GUCY2C: variants seen among roughly 807,000 people sequenced by gnomAD.
GUCY2C encodes the protein guanylyl cyclase C.
In GUCY2C, 118 loss-of-function variants were observed where a neutral mutation model predicts 131.1. That is an observed-to-expected ratio of 0.90 (90% CI 0.78 to 1.05). The LOEUF (loss-of-function observed/expected upper bound fraction) is 1.05. GUCY2C is among the 50% of genes least tolerant of loss of function. The probability of loss-of-function intolerance (pLI) is 0.00; values close to 1 mark genes in which losing one functional copy is unlikely to be tolerated. For missense variants in GUCY2C, 1,161 were observed against 1,304.4 expected (o/e 0.89, Z 1.69); for synonymous variants, 452 against 457.8 (o/e 0.99, Z 0.16).
chr12:14,621,006 A>T (rs377349009), intron 23 of GUCY2C, 36 bp downstream of exon 23: 8 of 1,562,836 alleles, frequency 5.1e-6, no homozygotes, highest in Middle Eastern at 1.7e-4. Context: ...AGCAGTACAT[A>T]TGGTTCCCAA....
In GUCY2C at chr12:14,669,744, A is replaced by C. The variant is rs61737713; in HGVS notation, c.1260T>G (p.Leu420=). The change falls in exon 10 of 27, where the codon CTT becomes CTG. Residue 420 remains leucine (L), a synonymous_variant. Transcript: ENST00000261170. ...SPTFTWKNSK[L]PNDITGRGPQ... is the part of the protein sequence containing the mutation. ...TACCCCGGCCTGTAATATCATTAGG[A>C]AGTTTAGAGTTCTTCCAAGTGAATG... 4.0e-4 allele frequency: 627 copies of C among 1,579,788 alleles called. 2 individuals are homozygous for C. The African/African-American group carries it at 7.8e-3, about 20-fold the overall frequency.
At chr12:14,638,308 A>C (rs1314969936) in intron 19 of GUCY2C, among the ~76,000 whole-genome samples, 1 of 151,634 alleles carries the variant, frequency 6.6e-6, no homozygotes, top group Non-Finnish European at 1.5e-5. Flanking sequence ...AATAGGATAG[A>C]GATTTCTCAA....
At chr12:14,662,053 GA>G (rs1423825747) in intron 10 of GUCY2C, among the ~76,000 whole-genome samples, 6 of 152,082 alleles carry the variant, frequency 3.9e-5, no homozygotes, top group Admixed American at 3.3e-4. Flanking sequence ...GACTGCACGG[GA>G]AAGTCGTGGT....
At chr12:14,617,644 T>A (rs185311471) in intron 24 of GUCY2C, among the ~76,000 whole-genome samples, 53 of 152,296 alleles carry the variant, frequency 3.5e-4, no homozygotes, top group Admixed American at 1.5e-3. Flanking sequence ...ACAAGTCCAT[T>A]GATGTGTATC....
intron 3 of GUCY2C, 31 bp from the exon 4 acceptor site, chr12:14,683,288 T>C (rs772261223): frequency 7.2e-7 from 1 of 1,389,726 alleles, no homozygotes; most frequent in Non-Finnish European, 1.0e-6. Context: ...AAAAAGCCAT[T>C]ATCAGTATTA....
chr12:14,676,971 A>G lies in GUCY2C; in HGVS notation c.831T>C (p.Asn277=). The G allele has an allele frequency of 1.7e-6, 2 of 1,202,772 alleles. No homozygotes were observed. Among genetic ancestry groups the G allele is most frequent in the Non-Finnish European group, 2.4e-6 (2 of 848,690 alleles). 74.5% of individuals were successfully genotyped at this position (1,202,772 alleles called of 1,614,324 possible). The change falls in exon 7 of 27, where the codon AAT becomes AAC. Residue 277 remains asparagine, a splice_region_variant and synonymous_variant. Coordinates refer to ENST00000261170, the MANE Select transcript of GUCY2C (RefSeq NM_004963.4). ...TGACATTGTCCTCAAAGTACTGGTC[A>G]CTGTAATAAAAAGCACAGGTTCCTC... ...DIVIILVDLF[N]DQYFEDNVTA... is the part of the protein sequence containing the mutation.
chr12:14,676,221 C>A (rs998641716), intron 7 of GUCY2C, among the ~76,000 whole-genome samples: 1 of 152,166 alleles, frequency 6.6e-6, no homozygotes, highest in African/African-American at 2.4e-5. Context: ...GCCCAATATA[C>A]TATTAGAATC....
intron 1 of GUCY2C, among the ~76,000 whole-genome samples, chr12:14,694,579 C>T (rs1314454192): frequency 6.6e-6 from 1 of 152,212 alleles, no homozygotes; most frequent in Non-Finnish European, 1.5e-5. Context: ...ATCAAGTGTT[C>T]TTTCCATTGT....
intron 19 of GUCY2C, among the ~76,000 whole-genome samples, chr12:14,629,005 A>C (rs906098363): frequency 1.1e-4 from 17 of 152,320 alleles, no homozygotes; most frequent in African/African-American, 4.1e-4. Flanking sequence ...AGACTAAGTG[A>C]ATTTACAAGA....
intron 16 of GUCY2C, 93 bp from the exon 17 acceptor site, chr12:14,643,799 C>T (rs1334532791): frequency 2.7e-6 from 3 of 1,096,218 alleles, no homozygotes; most frequent in Non-Finnish European, 4.1e-6. Flanking sequence ...GAAACCATTT[C>T]AGCAGATGGT....
chr12:14,655,052 A>T (rs748589082), intron 12 of GUCY2C, among the ~76,000 whole-genome samples: 51 of 152,226 alleles, frequency 3.4e-4, no homozygotes, highest in Non-Finnish European at 4.7e-4. Flanking sequence ...AGCTGTAACC[A>T]ATCAAGTTAT....
At chr12:14,656,999 G>T (rs1276449221) in intron 11 of GUCY2C, among the ~76,000 whole-genome samples, 1 of 152,172 alleles carries the variant, frequency 6.6e-6, no homozygotes, top group Non-Finnish European at 1.5e-5. Flanking sequence ...TAGGGTTCAC[G>T]CTCCTATGAC....
chr12:14,614,829 T>C, intron 26 of GUCY2C, 38 bp downstream of exon 26: 1 of 1,315,534 alleles, frequency 7.6e-7, no homozygotes, highest in Non-Finnish European at 1.1e-6. Context: ...CCAAGATCTC[T>C]AATTTCCTCC....
rs540350671 is a variant in GUCY2C at position 14,653,221 on chromosome 12, G to A, written c.1471-207C>T. ...CAACGTGTTTCCAGGTATCTACTGC[G>A]CTCATGCTTAGCTATGGGTTTCCTC... On this transcript the variant is annotated intron_variant, in intron 12 of 26. Transcript: ENST00000261170. 5.0e-4 allele frequency among the ~76,000 whole-genome samples: 76 copies of A among 152,274 alleles called. 2 individuals carry two copies. In the South Asian group the frequency reaches 0.013, roughly 27 times the overall value.
intron 21 of GUCY2C, among the ~76,000 whole-genome samples, chr12:14,624,606 T>A (rs1946968098): frequency 6.6e-6 from 1 of 152,232 alleles, no homozygotes; most frequent in Admixed American, 6.5e-5. Flanking sequence ...CATATTTCTT[T>A]TTGATTCTTC....
chr12:14,620,210 TAAAC>T (rs1024852749), intron 23 of GUCY2C, among the ~76,000 whole-genome samples: 2 of 152,150 alleles, frequency 1.3e-5, no homozygotes, highest in African/African-American at 2.4e-5. Flanking sequence ...GCTTGGTACA[TAAAC>T]AAACTAAAAG....
chr12:14,640,004 G>A, intron 18 of GUCY2C, 54 bp from the exon 19 acceptor site: 1 of 1,165,682 alleles, frequency 8.6e-7, no homozygotes, highest in Non-Finnish European at 1.3e-6. Flanking sequence ...ATGAAGAAAT[G>A]GAAGGAATTT....
chr12:14,679,537 C>A, intron 6 of GUCY2C, 120 bp downstream of exon 6: 1 of 616,042 alleles, frequency 1.6e-6, no homozygotes, highest in Non-Finnish European at 2.9e-6. Context: ...CAAATATTAT[C>A]ATCATACTTA....
chr12:14,636,553 G>C (rs577517193), intron 19 of GUCY2C, among the ~76,000 whole-genome samples: 1 of 152,130 alleles, frequency 6.6e-6, no homozygotes, highest in Admixed American at 6.5e-5. Flanking sequence ...AGGAAAAGCT[G>C]AAAGCTTTCC....
Sources: allele counts gnomAD v4.1 joint callset (sites outside exome capture counted in the v4.1 genomes callset), GRCh38; gene constraint gnomAD v4.1.1; transcripts MANE v1.5; gene names NCBI Gene and HGNC (gene_info 2026-07-23, HGNC 2026-07-21).